Variants in PRKCH observed in about 807,000 individuals in gnomAD.
PRKCH encodes protein kinase C eta.
PRKCH carries 28 observed loss-of-function variants against 82.5 expected under a neutral mutation model. The ratio of observed to expected loss-of-function variants is 0.34; its 90% CI spans 0.25 to 0.47. PRKCH has a LOEUF of 0.47. Among genes scored for constraint, PRKCH ranks in the 20% least tolerant of loss-of-function variants. PRKCH has a pLI of 1.00. For synonymous variants in PRKCH, 322 were observed against 327.4 expected (o/e 0.98, Z 0.18); for missense variants, 705 against 881.8 (o/e 0.80, Z 2.54).
chr14:61,406,914 G>A (rs1039432220), intron 2 of PRKCH, among the ~76,000 whole-genome samples: 1 of 152,050 alleles, frequency 6.6e-6, no homozygotes, highest in Admixed American at 6.6e-5. Flanking sequence ...CGACATCCGA[G>A]ATTTACTCTG....
chr14:61,326,989 C>T (rs1212695164), intron 1 of PRKCH: 1 of 453,640 alleles, frequency 2.2e-6, no homozygotes, highest in South Asian at 1.6e-5. Flanking sequence ...GCATCTAATG[C>T]TTAATGCAGA....
intron 1 of PRKCH, among the ~76,000 whole-genome samples, chr14:61,378,623 T>C (rs1031205003): frequency 6.6e-6 from 1 of 152,186 alleles, no homozygotes; most frequent in Admixed American, 6.5e-5. Context: ...GACAGCCCAG[T>C]AGATGCTCAG....
chr14:61,459,992 A>G (rs1334606776), intron 9 of PRKCH, among the ~76,000 whole-genome samples: 1 of 152,086 alleles, frequency 6.6e-6, no homozygotes, highest in African/African-American at 2.4e-5. Flanking sequence ...TTACAGGCAC[A>G]TGCCACCACA....
Position 61,546,037 on chromosome 14 carries a change from C to T in PRKCH, c.1762-1706C>T, listed in dbSNP as rs1390650563. Among the ~76,000 whole-genome samples the T allele has an allele frequency of 2.6e-5, 4 of 152,332 alleles. 1 individual carries two copies. The highest frequency in any genetic ancestry group is 4.1e-4 in the South Asian group (2 of 4,824). Reference sequence around the variant, plus strand: ...GTCCTGTCTCCCAAGTTTTTTGCAGCATTGTTTCTTGTTAATTAGCTCTTA... The same window carrying T: ...GTCCTGTCTCCCAAGTTTTTTGCAGTATTGTTTCTTGTTAATTAGCTCTTA... On this transcript the variant is annotated intron_variant, in intron 12 of 13. Coordinates refer to ENST00000332981, the MANE Select transcript of PRKCH (RefSeq NM_006255.5).
chr14:61,541,820 C>G (rs949837819), intron 12 of PRKCH, among the ~76,000 whole-genome samples: 2 of 152,206 alleles, frequency 1.3e-5, no homozygotes, highest in African/African-American at 4.8e-5. Context: ...GCGTTAAACT[C>G]TATAATCTGG....
At chr14:61,458,172 T>C (rs1366137907) in intron 9 of PRKCH, among the ~76,000 whole-genome samples, 1 of 152,204 alleles carries the variant, frequency 6.6e-6, no homozygotes, top group African/African-American at 2.4e-5. Context: ...GCAACGACCC[T>C]TTGCCTGAAA....
chr14:61,385,035 A>G (rs1400292761), intron 1 of PRKCH, among the ~76,000 whole-genome samples: 1 of 151,994 alleles, frequency 6.6e-6, no homozygotes, highest in Non-Finnish European at 1.5e-5. Flanking sequence ...ACATTTTTTT[A>G]AAGACCACTG....
At chr14:61,346,993 G>A (rs543852187) in intron 1 of PRKCH, among the ~76,000 whole-genome samples, 13 of 152,266 alleles carry the variant, frequency 8.5e-5, no homozygotes, top group South Asian at 4.2e-4. Context: ...GAATTTTACC[G>A]TATGTTTACT....
chr14:61,480,971 G>A (rs189937451), intron 9 of PRKCH, among the ~76,000 whole-genome samples: 15 of 152,072 alleles, frequency 9.9e-5, no homozygotes, highest in Admixed American at 2.6e-4. Flanking sequence ...TCTAGGCTGG[G>A]GAATTGACTC....
At chr14:61,401,873 T>C (rs1354570582) in intron 2 of PRKCH, among the ~76,000 whole-genome samples, 1 of 152,220 alleles carries the variant, frequency 6.6e-6, no homozygotes, top group Non-Finnish European at 1.5e-5. Flanking sequence ...GGAACACCAT[T>C]TTTACTTTGA....
At chr14:61,248,642 T>G (rs953599662) in intron 1 of PRKCH, among the ~76,000 whole-genome samples, 1 of 152,122 alleles carries the variant, frequency 6.6e-6, no homozygotes, top group Non-Finnish European at 1.5e-5. Flanking sequence ...GAATCAAAAT[T>G]AACAAAATTA....
intron 1 of PRKCH, among the ~76,000 whole-genome samples, chr14:61,234,646 C>T (rs546716200): frequency 3.3e-5 from 5 of 152,338 alleles, no homozygotes; most frequent in Admixed American, 3.3e-4. Flanking sequence ...CTGCCCATTG[C>T]TGTACAGTGT....
intron 10 of PRKCH, among the ~76,000 whole-genome samples, chr14:61,485,955 CA>C (rs1431816779): frequency 6.6e-6 from 1 of 152,056 alleles, no homozygotes; most frequent in Non-Finnish European, 1.5e-5. Context: ...TTTGTAGAGA[CA>C]GGGGTCTTGC....
intron 10 of PRKCH, among the ~76,000 whole-genome samples, chr14:61,507,564 A>T (rs1887204186): frequency 6.6e-6 from 1 of 152,036 alleles, no homozygotes; most frequent in Non-Finnish European, 1.5e-5. Flanking sequence ...AGATAAAGAA[A>T]ATTTGCTATG....
At chr14:61,264,372 G>C (rs1382373348) in intron 1 of PRKCH, among the ~76,000 whole-genome samples, 2 of 152,102 alleles carry the variant, frequency 1.3e-5, no homozygotes, top group African/African-American at 2.4e-5. Context: ...TTAAATATTT[G>C]CCTTTATAAA....
At chr14:61,327,972 C>T (rs543314935) in intron 1 of PRKCH, among the ~76,000 whole-genome samples, 287 of 151,538 alleles carry the variant, frequency 1.9e-3, no homozygotes, top group South Asian at 5.2e-3. Flanking sequence ...GGGCCTGGGC[C>T]GGGCGCGGTG....
Position 61,410,563 on chromosome 14 carries a change from G to A in PRKCH, c.427+19275G>A, listed in dbSNP as rs186621148. On this transcript the variant is annotated intron_variant, in intron 2 of 13. Coordinates refer to ENST00000332981, the MANE Select transcript of PRKCH (RefSeq NM_006255.5). ...ATGCTGGTGAATGGAGTCTAACTGCGTATTTGCTTCTTGCTTCCAGCACCA... is the reference window on the plus strand; with the variant it reads ...ATGCTGGTGAATGGAGTCTAACTGCATATTTGCTTCTTGCTTCCAGCACCA... 5.3e-5 allele frequency among the ~76,000 whole-genome samples: 8 copies of A among 152,264 alleles called. No individual in the cohort carries two copies. In the South Asian group the frequency reaches 8.3e-4, roughly 16 times the overall value.
intron 1 of PRKCH, among the ~76,000 whole-genome samples, chr14:61,324,560 A>T (rs1047488104): frequency 6.6e-6 from 1 of 152,056 alleles, no homozygotes; most frequent in African/African-American, 2.4e-5. Flanking sequence ...AAATCTTGTT[A>T]AAAAAATTTG....
chr14:61,527,152 T>C (rs1216296701), intron 10 of PRKCH, among the ~76,000 whole-genome samples: 2 of 152,228 alleles, frequency 1.3e-5, no homozygotes, highest in African/African-American at 4.8e-5. Context: ...TACATGGCCA[T>C]GTTCCTGCCG....
Sources: allele counts gnomAD v4.1 joint callset (sites outside exome capture counted in the v4.1 genomes callset), GRCh38; gene constraint gnomAD v4.1.1; transcripts MANE v1.5; gene names NCBI Gene and HGNC (gene_info 2026-07-23, HGNC 2026-07-21).